Variants in BRPF3 observed in about 807,000 individuals in gnomAD.
BRPF3 encodes bromodomain and PHD finger-containing protein 3.
A neutral mutation model predicts 102.0 loss-of-function variants in BRPF3; 18 were observed. That is an observed-to-expected ratio of 0.18 (90% CI 0.12 to 0.26). The LOEUF is 0.26. BRPF3 is among the 10% of genes least tolerant of loss of function. The pLI, the probability that BRPF3 is intolerant of heterozygous loss-of-function variation, is 1.00. For missense variants in BRPF3, 1,147 were observed against 1,567.8 expected (o/e 0.73, Z 4.53); for synonymous variants, 570 against 614.2 (o/e 0.93, Z 1.06).
intron 6 of BRPF3, among the ~76,000 whole-genome samples, chr6:36,211,025 A>G (rs532025514): frequency 1.3e-5 from 2 of 152,342 alleles, no homozygotes; most frequent in African/African-American, 2.4e-5. Flanking sequence ...CATGGAGCCC[A>G]TAATCGTGAC....
At chr6:36,226,636 C>T (rs1768750307) in intron 11 of BRPF3, among the ~76,000 whole-genome samples, 1 of 152,196 alleles carries the variant, frequency 6.6e-6, no homozygotes, top group African/African-American at 2.4e-5. Context: ...TGGGTTTCTC[C>T]TAGCCCCTTC....
chr6:36,203,698 G>A (rs996558877), intron 2 of BRPF3, among the ~76,000 whole-genome samples: 2 of 152,208 alleles, frequency 1.3e-5, no homozygotes, highest in African/African-American at 2.4e-5. Context: ...TTTCAATGGA[G>A]TGGCATGAAG....
In BRPF3 at chr6:36,218,028, A is replaced by G. The variant is rs772427730; in HGVS notation, c.3083+18A>G. 3 of 1,603,632 alleles carry G rather than the reference A, an allele frequency of 1.9e-6. No individual in the cohort carries two copies. The highest frequency in any genetic ancestry group is 1.7e-5 in the Admixed American group (1 of 59,048). ...GCTTGCAGGTAAGAACACATTCCCA[A>G]AGCTTTGTCAGCAGCTCTGCTACCC... On this transcript the variant is annotated intron_variant, in intron 9 of 12. Coordinates refer to ENST00000357641, the MANE Select transcript of BRPF3 (RefSeq NM_015695.3).
chr6:36,207,079 C>A (rs142108643), intron 3 of BRPF3, among the ~76,000 whole-genome samples: 6 of 152,140 alleles, frequency 3.9e-5, no homozygotes, highest in Admixed American at 3.9e-4. Context: ...TAGGGGGAAG[C>A]AGTCCCAGAT....
chr6:36,223,678 T>C (rs1768631704), intron 10 of BRPF3, among the ~76,000 whole-genome samples: 2 of 152,232 alleles, frequency 1.3e-5, no homozygotes, highest in Non-Finnish European at 2.9e-5. Context: ...TGGAACAGTG[T>C]ATCTAACAAT....
Position 36,207,313 on chromosome 6 carries a change from C to G in BRPF3, c.1606C>G (p.Arg536Gly), listed in dbSNP as rs1039940115. 6.2e-6 allele frequency: 10 copies of G among 1,613,276 alleles called. No homozygotes were observed. In the Middle Eastern group the frequency reaches 1.5e-3, roughly 248 times the overall value. Residue 536 changes from arginine (R) to glycine (G), a missense_variant and splice_region_variant, in exon 4 of 13, where the codon CGA (arginine) becomes GGA (glycine). By Grantham distance (125) the Arg-to-Gly change is moderately radical (BLOSUM62 -2). Around this residue, in one of 11 missense-constraint regions of BRPF3, gnomAD observed 37 missense variants for 33.3 expected, o/e 1.11. Coordinates refer to ENST00000357641, the MANE Select transcript of BRPF3 (RefSeq NM_015695.3). ...HLQSQRNAEQ[R>G]EQDEKTSAVK... Reference sequence around the variant, plus strand: ...GTCCCTCTTCTCTTCCCTCCTGTAGCGAGAGCAGGATGAGAAGACAAGTGC... The same window carrying G: ...GTCCCTCTTCTCTTCCCTCCTGTAGGGAGAGCAGGATGAGAAGACAAGTGC...
At chr6:36,199,439 G>GGA (rs1260430388) in intron 1 of BRPF3, among the ~76,000 whole-genome samples, 1 of 152,144 alleles carries the variant, frequency 6.6e-6, no homozygotes, top group Non-Finnish European at 1.5e-5. Flanking sequence ...TCTTTTGTAG[G>GGA]GAATACCCTG....
At chr6:36,222,820 G>A (rs570923549) in intron 10 of BRPF3, among the ~76,000 whole-genome samples, 43 of 152,086 alleles carry the variant, frequency 2.8e-4, no homozygotes, top group Non-Finnish European at 4.3e-4. Context: ...ATTTATTATC[G>A]TAACCAGTGT....
chr6:36,218,183 C>G (rs1289559915), intron 9 of BRPF3, among the ~76,000 whole-genome samples, 173 bp downstream of exon 9: 2 of 152,046 alleles, frequency 1.3e-5, no homozygotes, highest in Admixed American at 6.6e-5. Context: ...ACAGGGTGAC[C>G]CTTGACTCTC....
At chr6:36,221,862 G>A (rs1768556255) in intron 9 of BRPF3, among the ~76,000 whole-genome samples, 1 of 152,160 alleles carries the variant, frequency 6.6e-6, no homozygotes, top group Admixed American at 6.5e-5. Flanking sequence ...GACGCTGGAA[G>A]GATTGACAAA....
chr6:36,210,553 G>A lies in BRPF3; in HGVS notation c.2179+25G>A, dbSNP rs1386820217. ...GGTGAGAGGCCTGGATGGGTGGGGA[G>A]GAGAGGGGCCAGGAGGAGGCACAGG... On this transcript the variant is annotated intron_variant, in intron 6 of 12. Transcript: ENST00000357641. This position sits in a 1 kb window ranked among gnomAD's most constrained non-coding sequence, Gnocchi z 4.7. 1 of 1,560,296 alleles carries A rather than the reference G, an allele frequency of 6.4e-7. No individual in the cohort carries two copies. The highest frequency in any genetic ancestry group is 1.8e-5 in the Admixed American group (1 of 55,898).
rs1768056275 is a variant in BRPF3, at chr6:36,210,331, T to C, written c.1982T>C (p.Ile661Thr). Residue 661 changes from isoleucine (I) to threonine (T), a missense_variant, in exon 6 of 13, where the codon ATA (isoleucine) becomes ACA (threonine). Physicochemically the swap from Ile to Thr is moderately conservative, Grantham distance 89. Coordinates refer to ENST00000357641, the MANE Select transcript of BRPF3 (RefSeq NM_015695.3). The surrounding 1 kb of genome is among the most constrained non-coding windows in gnomAD (Gnocchi z 4.7). Reference protein sequence around the residue: ...LEEFEEDFNLIVTNCMKYNAK... With the variant: ...LEEFEEDFNLTVTNCMKYNAK... ...GAGTTTGAGGAGGACTTTAACCTTATAGTTACCAACTGCATGAAGTATAAT... is the reference window on the plus strand; with the variant it reads ...GAGTTTGAGGAGGACTTTAACCTTACAGTTACCAACTGCATGAAGTATAAT... 6.2e-7 allele frequency: 1 copy of C among 1,614,244 alleles called. No homozygotes were observed. The highest frequency in any genetic ancestry group is 8.5e-7 in the Non-Finnish European group (1 of 1,180,044).
intron 7 of BRPF3, among the ~76,000 whole-genome samples, 175 bp from the exon 8 acceptor site, chr6:36,213,705 A>G (rs941671495): frequency 1.4e-5 from 2 of 139,136 alleles, no homozygotes; most frequent in African/African-American, 5.2e-5. Context: ...CCTGTCTCTG[A>G]AAAAAAAAAA....
In BRPF3 at chr6:36,201,947, A is replaced by G. The variant is rs560455274; in HGVS notation, c.1448+177A>G. Among the ~76,000 whole-genome samples the G allele has an allele frequency of 3.3e-5, 5 of 152,228 alleles. No individual in the cohort carries two copies. The highest frequency in any genetic ancestry group is 9.6e-5 in the African/African-American group (4 of 41,456). ...GGTTTGTGGTTTTGATTTTGCCCTCAGAGTAATGTATTTCCTTTAGTTCAA... is the reference window on the plus strand; with the variant it reads ...GGTTTGTGGTTTTGATTTTGCCCTCGGAGTAATGTATTTCCTTTAGTTCAA... On this transcript the variant is annotated intron_variant, in intron 2 of 12. Coordinates refer to ENST00000357641, the MANE Select transcript of BRPF3 (RefSeq NM_015695.3). The surrounding 1 kb of genome is among the most constrained non-coding windows in gnomAD (Gnocchi z 5.1).
intron 6 of BRPF3, 64 bp from the exon 7 acceptor site, chr6:36,211,194 C>G (rs547534162): frequency 1.9e-5 from 29 of 1,514,468 alleles, no homozygotes; most frequent in Non-Finnish European, 7.1e-6. Context: ...GGATTCGGCC[C>G]CTTTCTCTTG....
intron 1 of BRPF3, chr6:36,197,290 G>C (rs1461617840): frequency 6.6e-6 from 1 of 152,194 alleles, no homozygotes; most frequent in Non-Finnish European, 1.5e-5. Flanking sequence ...CCCTTGAGCG[G>C]CCCTAGGTCC....
At chr6:36,212,260 T>C (rs1380040359) in intron 7 of BRPF3, among the ~76,000 whole-genome samples, 1 of 152,150 alleles carries the variant, frequency 6.6e-6, no homozygotes, top group Non-Finnish European at 1.5e-5. Context: ...TCACTGGGGA[T>C]GGAATTGTCT....
chr6:36,198,245 G>T (rs1487984404), intron 1 of BRPF3, among the ~76,000 whole-genome samples: 1 of 152,190 alleles, frequency 6.6e-6, no homozygotes. Flanking sequence ...CACACTTTGG[G>T]ATTGGAAGGC....
intron 7 of BRPF3, among the ~76,000 whole-genome samples, chr6:36,212,068 G>A (rs1241724771): frequency 6.6e-6 from 1 of 152,120 alleles, no homozygotes; most frequent in African/African-American, 2.4e-5. Context: ...CCATCTGGCT[G>A]AATCTACAGG....
Sources: gnomAD v4.1 joint callset for allele counts (sites outside exome capture counted in the v4.1 genomes callset) on GRCh38, gnomAD v4.1.1 for gene constraint, gnomAD v4.1.1 regional missense constraint, Gnocchi (gnomAD v3.1) non-coding constraint, MANE v1.5 for transcripts, NCBI Gene and HGNC (gene_info 2026-07-23, HGNC 2026-07-21) for gene names.